Variants in URB1 observed in about 807,000 individuals in gnomAD.
URB1 encodes URB1 ribosome biogenesis factor.
Under a neutral mutation model 242.3 loss-of-function variants are expected in URB1, and 197 were observed. The observed-to-expected ratio is 0.81, with a 90% CI of 0.72 to 0.91. URB1 has a LOEUF of 0.91. Ranked by LOEUF, URB1 falls within the 40% of genes least tolerant of loss-of-function variation. The pLI, the probability that URB1 is intolerant of heterozygous loss-of-function variation, is 0.00. For synonymous variants in URB1, 1,153 were observed against 1,201.8 expected, an observed-to-expected ratio of 0.96 and a Z score of 0.84; for missense variants, 2,721 against 2,860.5, an observed-to-expected ratio of 0.95 and a Z score of 1.11.
chr21:32,343,449 C>G (rs572299277), intron 24 of URB1, among the ~76,000 whole-genome samples: 67 of 152,220 alleles, frequency 4.4e-4, no homozygotes, highest in African/African-American at 1.6e-3. Flanking sequence ...CTGCACGGTT[C>G]CAAGTATACA....
rs2032654712 is a variant in URB1, at chr21:32,314,815, T to C, written c.*103A>G. On this transcript the variant is annotated 3_prime_UTR_variant, in exon 39 of 39. Transcript: ENST00000382751. ...GAGCCAATGTACTGAACCTGTTGTT[T>C]CCCATGCCTTCTCTGGAAACCCTTG... 3 of 1,485,024 alleles carry C rather than the reference T, an allele frequency of 2.0e-6. No homozygotes were observed. The highest frequency in any genetic ancestry group is 4.4e-5 in the Admixed American group (2 of 45,964). The allele number at this position is 1,485,024 out of a possible 1,614,324, so 92.0% of individuals were successfully genotyped here. A position where few individuals can be genotyped will look rare whatever the true frequency, so the allele number is the denominator to read the frequency against.
Position 32,378,627 on chromosome 21 carries a change from T to G in URB1, c.568-86A>C. 1.8e-6 allele frequency: 2 copies of G among 1,101,174 alleles called. 1 individual carries two copies. The highest frequency in any genetic ancestry group is 3.9e-4 in the Middle Eastern group (2 of 5,108). 68.2% of individuals were successfully genotyped at this position (1,101,174 alleles called of 1,614,324 possible). ...GCAACACAGTGGCCAAGCACACCCC[T>G]CCCGTCTCAACATCACCAGCCCCCC... On this transcript the variant is annotated intron_variant, in intron 4 of 38. Transcript: ENST00000382751.
At chr21:32,344,208 C>A (rs1235628003) in intron 24 of URB1, among the ~76,000 whole-genome samples, 3 of 152,130 alleles carry the variant, frequency 2.0e-5, no homozygotes. Flanking sequence ...AAAAATAACA[C>A]ATCAAAATCA....
intron 1 of URB1, 119 bp downstream of exon 1, chr21:32,392,650 A>G: frequency 7.9e-7 from 1 of 1,259,086 alleles, no homozygotes; most frequent in Non-Finnish European, 1.0e-6. Flanking sequence ...TGCAAACCAG[A>G]GGCTTGCCAC....
intron 15 of URB1, 49 bp downstream of exon 15, chr21:32,357,488 A>T (rs1189022522): frequency 6.9e-7 from 1 of 1,443,638 alleles, no homozygotes; most frequent in Non-Finnish European, 9.1e-7. Context: ...CATAAGGAAG[A>T]TCTATACAAA....
chr21:32,361,500 G>A (rs966693670), intron 12 of URB1, among the ~76,000 whole-genome samples: 13 of 148,938 alleles, frequency 8.7e-5, no homozygotes, highest in African/African-American at 1.2e-4. Context: ...CAGGGCTGCC[G>A]AAAGGATGAA....
chr21:32,341,402 C>A (rs936484403), intron 25 of URB1, 64 bp downstream of exon 25: 2 of 1,479,182 alleles, frequency 1.4e-6, no homozygotes, highest in East Asian at 2.5e-5. Context: ...ATAAAAGAGG[C>A]TTTGCATGCT....
intron 5 of URB1, 62 bp downstream of exon 5, chr21:32,378,383 C>A (rs1397436197): frequency 7.0e-7 from 1 of 1,434,258 alleles, no homozygotes; most frequent in East Asian, 2.5e-5. Context: ...TTGGAAGAAA[C>A]GGTTTGCAGT....
In URB1 at chr21:32,375,475, G is replaced by C. The variant is rs144661928; in HGVS notation, c.673C>G (p.Pro225Ala). 1.1e-3 allele frequency: 1,733 copies of C among 1,510,082 alleles called. 14 individuals carry two copies. In the African/African-American group the frequency reaches 0.022, roughly 19 times the overall value. The allele number at this position is 1,510,082 out of a possible 1,614,324, so 93.5% of individuals were successfully genotyped here. A position where few individuals can be genotyped will look rare whatever the true frequency, so the allele number is the denominator to read the frequency against. Residue 225 changes from proline (P) to alanine (A), a missense_variant, in exon 6 of 39, where the codon CCT (proline) becomes GCT (alanine). Physicochemically the swap from Pro to Ala is conservative, Grantham distance 27. Transcript: ENST00000382751. ...TTTATCCCTGAGCTAAAAATGCAAG[G>C]AATAAATTCTGAAAGTAAAAGTTTC... ...VQVLEVKEFI[P>A]CIFSSGIKED...
At chr21:32,325,797 C>T (rs1238493771) in intron 30 of URB1, among the ~76,000 whole-genome samples, 1 of 152,156 alleles carries the variant, frequency 6.6e-6, no homozygotes, top group African/African-American at 2.4e-5. Context: ...ACCGCGGGCG[C>T]CTGTCTATAA....
At chr21:32,317,596 G>C (rs1032316384) in intron 37 of URB1, 80 bp downstream of exon 37, 12 of 1,503,438 alleles carry the variant, frequency 8.0e-6, no homozygotes, top group Admixed American at 2.1e-5. Flanking sequence ...GTGGCTGAGA[G>C]ACAGAGAGAG....
intron 30 of URB1, among the ~76,000 whole-genome samples, chr21:32,329,015 C>G (rs1311268172): frequency 1.3e-5 from 2 of 151,964 alleles, no homozygotes; most frequent in East Asian, 3.9e-4. Flanking sequence ...TCCCAAGGTG[C>G]TGTAATCCCC....
intron 4 of URB1, among the ~76,000 whole-genome samples, chr21:32,381,411 T>A (rs1401031655): frequency 7.0e-6 from 1 of 142,716 alleles, no homozygotes; most frequent in African/African-American, 2.8e-5. Context: ...CTCCAAAATG[T>A]TAACATATAT....
intron 30 of URB1, among the ~76,000 whole-genome samples, chr21:32,329,011 G>A (rs1024785244): frequency 2.0e-5 from 3 of 151,962 alleles, no homozygotes; most frequent in South Asian, 2.1e-4. Context: ...AGCCTCCCAA[G>A]GTGCTGTAAT....
rs779577014 is a variant in URB1, at chr21:32,366,712, C to G, written c.1241G>C (p.Arg414Thr). ...GAGCCGAGGCAAGGGTATAAACTCT[C>G]TGGTCTGAAATGCCCGGGAAATCTC... is the stretch of plus-strand genomic sequence containing the variant. ...QPEISRAFQT[R>T]EFIPLPRLLA... is the part of the protein sequence containing the mutation. Residue 414 changes from arginine (R) to threonine (T), a missense_variant, in exon 10 of 39, where the codon AGA (arginine) becomes ACA (threonine). Arg to Thr is a moderately conservative substitution (Grantham distance 71, BLOSUM62 -1). Transcript: ENST00000382751. 3 of 1,551,538 alleles carry G rather than the reference C, an allele frequency of 1.9e-6. No homozygotes were observed. In the South Asian group the frequency reaches 3.6e-5, roughly 18 times the overall value.
At chr21:32,373,575 A>G (rs750180462) in intron 7 of URB1, 72 bp downstream of exon 7, 36 of 1,463,902 alleles carry the variant, frequency 2.5e-5, no homozygotes, top group Non-Finnish European at 3.0e-5. Flanking sequence ...CGGTGTTGAG[A>G]ATTCTCCCTC....
chr21:32,362,677 G>C (rs2033302356), intron 11 of URB1, among the ~76,000 whole-genome samples: 1 of 152,138 alleles, frequency 6.6e-6, no homozygotes, highest in African/African-American at 2.4e-5. Context: ...TGTGTAACTG[G>C]GGCTCTCAGA....
rs998480731 is a variant in URB1 at position 32,312,985 on chromosome 21, A to T, written c.*1933T>A. 1 of 152,280 alleles carries T rather than the reference A, an allele frequency of 6.6e-6. No individual in the cohort carries two copies. Among genetic ancestry groups the T allele is most frequent in the Non-Finnish European group, 1.5e-5 (1 of 68,072 alleles). 9.4% of individuals were successfully genotyped at this position (152,280 alleles called of 1,614,324 possible). A position where few individuals can be genotyped will look rare whatever the true frequency, so the allele number is the denominator to read the frequency against. On this transcript the variant is annotated 3_prime_UTR_variant, in exon 39 of 39. Coordinates refer to ENST00000382751, the MANE Select transcript of URB1 (RefSeq NM_014825.3). Reference sequence around the variant, plus strand: ...GAAAATACACGAACAAGGTCAGGGCAGTGGATTTAAAAGGGAGAACAAAGA... The same window carrying T: ...GAAAATACACGAACAAGGTCAGGGCTGTGGATTTAAAAGGGAGAACAAAGA...
At chr21:32,351,993 A>G (rs2033163653) in intron 19 of URB1, among the ~76,000 whole-genome samples, 1 of 152,212 alleles carries the variant, frequency 6.6e-6, no homozygotes, top group African/African-American at 2.4e-5. Flanking sequence ...TTAAACGGCC[A>G]AAAATACACA....
Sources: gnomAD v4.1 joint callset for allele counts (sites outside exome capture counted in the v4.1 genomes callset) on GRCh38, gnomAD v4.1.1 for gene constraint, MANE v1.5 for transcripts, NCBI Gene and HGNC (gene_info 2026-07-23, HGNC 2026-07-21) for gene names.